Variants in PC observed in about 807,000 individuals in gnomAD.
The protein encoded by PC is pyruvate carboxylase.
PC carries 46 observed loss-of-function variants against 107.8 expected under a neutral mutation model. That is an observed-to-expected ratio of 0.43 (90% CI 0.34 to 0.55). PC has a LOEUF of 0.55. PC is among the 20% of genes least tolerant of loss of function. The probability of loss-of-function intolerance (pLI) is 0.04; values close to 1 mark genes in which losing one functional copy is unlikely to be tolerated. For synonymous variants in PC, 662 were observed against 684.7 expected, an observed-to-expected ratio of 0.97 and a Z score of 0.52; for missense variants, 1,241 against 1,643.1, an observed-to-expected ratio of 0.76 and a Z score of 4.23.
chr11:66,857,774 G>A lies in PC; in HGVS notation c.1369-4391C>T. On this transcript the variant is annotated intron_variant, in intron 12 of 22. Transcript: ENST00000393960. This position sits in a 1 kb window ranked among gnomAD's most constrained non-coding sequence, Gnocchi z 7.1. ...CCCCGCCGCTCCTGCTGCTGCTGCT[G>A]GCCAGTGGAGCGGCCGCCTGCCCGC... 6.3e-7 allele frequency: 1 copy of A among 1,595,290 alleles called. No individual in the cohort carries two copies.
At chr11:66,860,116 CTG>C in intron 12 of PC, 1 of 1,551,276 alleles carries the variant, frequency 6.4e-7, no homozygotes, top group Non-Finnish European at 8.7e-7. Context: ...CGGAGCCACT[CTG>C]TGCATGGGGG....
At chr11:66,876,723 C>T (rs764249521) in intron 3 of PC, among the ~76,000 whole-genome samples, 4 of 152,220 alleles carry the variant, frequency 2.6e-5, no homozygotes, top group Non-Finnish European at 5.9e-5. Flanking sequence ...GCAGGCGGCA[C>T]TGGCATCAGA....
chr11:66,907,312 G>A (rs1948195099), intron 3 of PC, among the ~76,000 whole-genome samples: 1 of 152,196 alleles, frequency 6.6e-6, no homozygotes, highest in Non-Finnish European at 1.5e-5. Context: ...CAGATCACCT[G>A]AGGTCAGGAG....
chr11:66,901,346 C>T (rs996981656), intron 3 of PC, among the ~76,000 whole-genome samples: 47 of 152,298 alleles, frequency 3.1e-4, no homozygotes, highest in African/African-American at 9.9e-4. Context: ...GGTGTGCCTT[C>T]CTCACTCTCT....
rs1183723950 is a variant in PC at position 66,888,407 on chromosome 11, G to A, written c.1-16248C>T. ...GCCACCTGTGAGCCTGTCTGCCCAAGAAGCCCAGGGATGGGCACGAACAAA... is the reference window on the plus strand; with the variant it reads ...GCCACCTGTGAGCCTGTCTGCCCAAAAAGCCCAGGGATGGGCACGAACAAA... On this transcript the variant is annotated intron_variant, in intron 3 of 22. Coordinates refer to ENST00000393960, the MANE Select transcript of PC (RefSeq NM_001040716.2). 4.6e-5 allele frequency among the ~76,000 whole-genome samples: 7 copies of A among 152,284 alleles called. No homozygotes were observed. The South Asian group carries it at 8.3e-4, about 18-fold the overall frequency.
chr11:66,862,184 C>T (rs1297063698), intron 12 of PC, among the ~76,000 whole-genome samples: 1 of 152,174 alleles, frequency 6.6e-6, no homozygotes, highest in Non-Finnish European at 1.5e-5. Context: ...GTGATGTCGA[C>T]AGCTGATGTC....
At chr11:66,861,074 C>T (rs1408146640) in intron 12 of PC, among the ~76,000 whole-genome samples, 5 of 152,218 alleles carry the variant, frequency 3.3e-5, no homozygotes, top group Admixed American at 6.5e-5. Flanking sequence ...ACTGTGGGTC[C>T]GAGCAGGACC....
chr11:66,850,821 A>G lies in PC; in HGVS notation c.2326T>C (p.Ser776Pro). 6.2e-7 allele frequency: 1 copy of G among 1,612,158 alleles called. No individual in the cohort carries two copies. ...AGCATGGCTGCCACGCCTGCCCCTG[A>G]CGTGTCGTGGGTGTGGATGTGCAGT... ...LPLHIHTHDT[S>P]GAGVAAMLAC... is the part of the protein sequence containing the mutation. The change falls in exon 18 of 23, where the codon TCA (serine) becomes CCA (proline). Residue 776 changes from serine to proline, a missense_variant. Transcript: ENST00000393960.
At chr11:66,888,705 C>T (rs1346236125) in intron 3 of PC, among the ~76,000 whole-genome samples, 6 of 152,186 alleles carry the variant, frequency 3.9e-5, no homozygotes, top group Admixed American at 3.9e-4. Context: ...AACATCAACT[C>T]CAGGAAAATG....
intron 3 of PC, among the ~76,000 whole-genome samples, chr11:66,885,764 G>A (rs926805589): frequency 6.6e-6 from 1 of 152,176 alleles, no homozygotes; most frequent in Non-Finnish European, 1.5e-5. Flanking sequence ...ATCCGAGAGA[G>A]CACGGCCCTG....
chr11:66,874,257 G>T (rs1448370322), intron 3 of PC, among the ~76,000 whole-genome samples: 2 of 151,968 alleles, frequency 1.3e-5, no homozygotes. Flanking sequence ...ACCACGCCTG[G>T]CTGTATTTTA....
chr11:66,903,813 C>T (rs1433623309), intron 3 of PC, among the ~76,000 whole-genome samples: 1 of 141,888 alleles, frequency 7.0e-6, no homozygotes, highest in Non-Finnish European at 1.5e-5. Flanking sequence ...CACACACCCA[C>T]ACACATATAT....
rs893534714 is a variant in PC at position 66,870,343 on chromosome 11, G to A, written c.862C>T (p.Arg288Trp). 2.5e-6 allele frequency: 4 copies of A among 1,613,604 alleles called. No homozygotes were observed. Among genetic ancestry groups the A allele is most frequent in the Non-Finnish European group, 3.4e-6 (4 of 1,180,008 alleles). ...APAAHLDPQL[R>W]TRLTSDSVKL... Reference sequence around the variant, plus strand: ...ACAGAGTCGCTGGTGAGCCGAGTCCGAAGCTGCGGGTCCAGGTGGGCGGCG... The same window carrying A: ...ACAGAGTCGCTGGTGAGCCGAGTCCAAAGCTGCGGGTCCAGGTGGGCGGCG... The change falls in exon 9 of 23, where the codon CGG (arginine) becomes TGG (tryptophan). Residue 288 changes from arginine to tryptophan, a missense_variant. Arg to Trp is a moderately radical substitution (Grantham distance 101). Coordinates refer to ENST00000393960, the MANE Select transcript of PC (RefSeq NM_001040716.2). This position sits in a 1 kb window ranked among gnomAD's most constrained non-coding sequence, Gnocchi z 6.1.
chr11:66,885,388 G>T (rs1329975257), intron 3 of PC, among the ~76,000 whole-genome samples: 2 of 151,520 alleles, frequency 1.3e-5, no homozygotes, highest in African/African-American at 2.4e-5. Flanking sequence ...TACTCGGGAA[G>T]CTGAGACAGG....
intron 3 of PC, among the ~76,000 whole-genome samples, chr11:66,909,209 C>G (rs569011048): frequency 3.9e-5 from 6 of 152,338 alleles, no homozygotes; most frequent in African/African-American, 1.4e-4. Flanking sequence ...CACCAACTCC[C>G]GTACTCGCCT....
chr11:66,852,360 C>T lies in PC; in HGVS notation c.1825+79G>A. ...TTCGTGTCAGCGTCTCTAGCTTGTC[C>T]CCAGTGGCCTAAGCCTGTGGGACTG... On this transcript the variant is annotated intron_variant, in intron 15 of 22. Transcript: ENST00000393960. The surrounding 1 kb of genome is among the most constrained non-coding windows in gnomAD (Gnocchi z 4.7). The T allele has an allele frequency of 8.6e-7, 1 of 1,161,108 alleles. No homozygotes were observed. The highest frequency in any genetic ancestry group is 1.3e-6 in the Non-Finnish European group (1 of 770,160). The allele number at this position is 1,161,108 out of a possible 1,614,324, so 71.9% of individuals were successfully genotyped here.
At chr11:66,878,995 G>C (rs1947085332) in intron 3 of PC, among the ~76,000 whole-genome samples, 1 of 152,118 alleles carries the variant, frequency 6.6e-6, no homozygotes, top group Non-Finnish European at 1.5e-5. Context: ...GTCATCCTGG[G>C]GGTCGACTGA....
intron 3 of PC, among the ~76,000 whole-genome samples, chr11:66,897,336 C>T (rs902062763): frequency 3.3e-5 from 5 of 152,178 alleles, no homozygotes; most frequent in Admixed American, 1.3e-4. Flanking sequence ...TTTGGGAGGC[C>T]GAAGCAGGCA....
Position 66,949,560 on chromosome 11 carries a change from C to T in PC, c.-1+2870G>A, listed in dbSNP as rs185750488. On this transcript the variant is annotated intron_variant, in intron 3 of 22. Coordinates refer to ENST00000393960, the MANE Select transcript of PC (RefSeq NM_001040716.2). ...AAATACAAATTAGCCAGCATGGTGG[C>T]GGGCGCCTGTAATCCCAGCTACTCA... Among the ~76,000 whole-genome samples, 1,220 of 151,974 alleles carry T rather than the reference C, an allele frequency of 8.0e-3. 9 individuals carry two copies. The highest frequency in any genetic ancestry group is 0.012 in the South Asian group (56 of 4,814).
Sources: allele counts gnomAD v4.1 joint callset (sites outside exome capture counted in the v4.1 genomes callset), GRCh38; gene constraint gnomAD v4.1.1; non-coding constraint Gnocchi (gnomAD v3.1); transcripts MANE v1.5; gene names NCBI Gene and HGNC (gene_info 2026-07-23, HGNC 2026-07-21).